KLHL29: variants seen among roughly 807,000 people sequenced by gnomAD.
KLHL29 encodes the protein kelch like family member 29.
Under a neutral mutation model 80.4 loss-of-function variants are expected in KLHL29, and 21 were observed. The ratio of observed to expected loss-of-function variants is 0.26; its 90% confidence interval spans 0.19 to 0.38. The LOEUF is 0.38. Among genes scored for constraint, KLHL29 ranks in the 10% least tolerant of loss-of-function variants. The probability of loss-of-function intolerance (pLI) is 1.00; values close to 1 mark genes in which losing one functional copy is unlikely to be tolerated. For synonymous variants in KLHL29, 511 were observed against 526.8 expected (o/e 0.97, Z 0.41); for missense variants, 867 against 1,223.9 (o/e 0.71, Z 4.35).
chr2:23,626,224 G>A (rs1669305192), intron 3 of KLHL29, among the ~76,000 whole-genome samples: 2 of 152,300 alleles, frequency 1.3e-5, no homozygotes, highest in Non-Finnish European at 2.9e-5. Flanking sequence ...GCTCCTATGG[G>A]AATCTCATGC....
Position 23,691,776 on chromosome 2 carries a change from G to A in KLHL29, c.1182G>A (p.Thr394=), listed in dbSNP as rs745807195. ...VLELLLEFVY[T]GSLVIDSANA... is the part of the protein sequence containing the mutation. Reference sequence around the variant, plus strand: ...AGTTGCTGCTGGAGTTTGTCTACACGGGCTCCCTGGTCATCGACTCGGCCA... The same window carrying A: ...AGTTGCTGCTGGAGTTTGTCTACACAGGCTCCCTGGTCATCGACTCGGCCA... The change falls in exon 7 of 14, where the codon ACG becomes ACA. Residue 394 remains threonine (T), a synonymous_variant. Coordinates refer to ENST00000486442, the MANE Select transcript of KLHL29 (RefSeq NM_052920.2). 3.1e-5 allele frequency: 48 copies of A among 1,551,602 alleles called. No homozygotes were observed. The highest frequency in any genetic ancestry group is 3.6e-5 in the Non-Finnish European group (41 of 1,147,024).
chr2:23,513,887 G>A (rs951775813), intron 2 of KLHL29, among the ~76,000 whole-genome samples: 15 of 152,174 alleles, frequency 9.9e-5, no homozygotes, highest in Non-Finnish European at 1.5e-5. Flanking sequence ...CAACACATAG[G>A]CCTTATTTTT....
Position 23,700,598 on chromosome 2 carries a change from G to C in KLHL29, c.2106-2588G>C, listed in dbSNP as rs1473862862. 6.6e-6 allele frequency among the ~76,000 whole-genome samples: 1 copy of C among 152,166 alleles called. No homozygotes were observed. The highest frequency in any genetic ancestry group is 1.5e-5 in the Non-Finnish European group (1 of 68,022). On this transcript the variant is annotated intron_variant, in intron 11 of 13. Transcript: ENST00000486442. This position sits in a 1 kb window ranked among gnomAD's most constrained non-coding sequence, Gnocchi z 4.6. ...TACAAACCATGACGTTTTCCCTAGA[G>C]AGCTGGCTGTTAAACATTCATCAGC...
intron 2 of KLHL29, among the ~76,000 whole-genome samples, chr2:23,478,826 C>G (rs1664706966): frequency 6.6e-6 from 1 of 152,086 alleles, no homozygotes; most frequent in Non-Finnish European, 1.5e-5. Context: ...TAGATGCCGC[C>G]TGTGTCTTCG....
intron 1 of KLHL29, among the ~76,000 whole-genome samples, chr2:23,407,941 G>A (rs573253508): frequency 6.6e-6 from 1 of 151,812 alleles, no homozygotes. Flanking sequence ...TTGAGACGGA[G>A]TTTCTTGTCA....
intron 3 of KLHL29, among the ~76,000 whole-genome samples, chr2:23,566,799 T>C (rs1667599782): frequency 6.6e-6 from 1 of 152,184 alleles, no homozygotes; most frequent in Admixed American, 6.5e-5. Flanking sequence ...TTAATATGCA[T>C]AGAAAAGCTT....
At chr2:23,403,724 A>T (rs111285735) in intron 1 of KLHL29, among the ~76,000 whole-genome samples, 2,810 of 140,098 alleles carry the variant, frequency 0.02, 39 homozygotes, top group African/African-American at 0.052. Context: ...AGAGAGAGAG[A>T]GAGTGTGTGT....
chr2:23,648,627 A>C (rs1670004230), intron 5 of KLHL29, among the ~76,000 whole-genome samples: 1 of 152,124 alleles, frequency 6.6e-6, no homozygotes, highest in South Asian at 2.1e-4. Context: ...ACCTCCCCTC[A>C]GGGGCTTTCA....
intron 6 of KLHL29, among the ~76,000 whole-genome samples, chr2:23,686,132 C>T (rs1671247861): frequency 6.8e-6 from 1 of 147,612 alleles, no homozygotes; most frequent in East Asian, 2.1e-4. Flanking sequence ...GGGGATGGGG[C>T]ATGAGTGGGG....
At chr2:23,432,450 G>C (rs545033070) in intron 1 of KLHL29, among the ~76,000 whole-genome samples, 1 of 152,354 alleles carries the variant, frequency 6.6e-6, no homozygotes, top group Non-Finnish European at 1.5e-5. Context: ...CCAGTCACAT[G>C]CTGTGTGCCA....
chr2:23,679,602 A>G (rs961728145), intron 5 of KLHL29, among the ~76,000 whole-genome samples: 2 of 152,252 alleles, frequency 1.3e-5, no homozygotes, highest in Admixed American at 6.5e-5. Flanking sequence ...TTTGCCATCC[A>G]TCACACCAGA....
chr2:23,435,850 G>T (rs1459550595), intron 1 of KLHL29, among the ~76,000 whole-genome samples: 8 of 151,802 alleles, frequency 5.3e-5, no homozygotes, highest in Admixed American at 2.6e-4. Flanking sequence ...ATGGCCCCAG[G>T]CTGTTGTGCT....
chr2:23,505,821 G>A (rs1331845524), intron 2 of KLHL29, among the ~76,000 whole-genome samples: 4 of 152,220 alleles, frequency 2.6e-5, no homozygotes, highest in Non-Finnish European at 1.5e-5. Flanking sequence ...TGTGCTCTGG[G>A]TTTACATCAG....
intron 2 of KLHL29, among the ~76,000 whole-genome samples, chr2:23,526,551 G>A (rs1200658145): frequency 6.6e-6 from 1 of 152,220 alleles, no homozygotes; most frequent in Non-Finnish European, 1.5e-5. Context: ...GAAGGTTGGA[G>A]GGGAGAGAGA....
intron 2 of KLHL29, among the ~76,000 whole-genome samples, chr2:23,477,633 C>T (rs1164946238): frequency 2.0e-5 from 3 of 152,220 alleles, no homozygotes; most frequent in Non-Finnish European, 2.9e-5. Context: ...CACTGGTGGG[C>T]GACAGCTGTC....
chr2:23,451,608 T>C (rs1373007153), intron 1 of KLHL29, among the ~76,000 whole-genome samples: 1 of 152,162 alleles, frequency 6.6e-6, no homozygotes, highest in Non-Finnish European at 1.5e-5. Context: ...ATAGAAAGTT[T>C]TTCTCCCCAG....
chr2:23,698,303 T>G (rs1281531010), intron 11 of KLHL29, among the ~76,000 whole-genome samples: 1 of 152,192 alleles, frequency 6.6e-6, no homozygotes, highest in Admixed American at 6.5e-5. Context: ...AGGGGCAGGA[T>G]GCAGGCTTGA....
chr2:23,611,446 T>G lies in KLHL29; in HGVS notation c.286-27693T>G, dbSNP rs189878015. 1.8e-3 allele frequency among the ~76,000 whole-genome samples: 267 copies of G among 152,280 alleles called. 2 individuals carry two copies. The highest frequency in any genetic ancestry group is 5.0e-3 in the Admixed American group (77 of 15,292). ...ACACTGGGCCCTCTGAGGAGCTGCC[T>G]CTCTGCTTCAAATCCTCTGGGTTCT... On this transcript the variant is annotated intron_variant, in intron 3 of 13. Coordinates refer to ENST00000486442, the MANE Select transcript of KLHL29 (RefSeq NM_052920.2).
intron 3 of KLHL29, among the ~76,000 whole-genome samples, chr2:23,607,727 G>A (rs1211020152): frequency 6.6e-6 from 1 of 152,150 alleles, no homozygotes; most frequent in East Asian, 1.9e-4. Flanking sequence ...TGTGAACTGT[G>A]CATGTGAGGG....
Sources: allele counts gnomAD v4.1 joint callset (sites outside exome capture counted in the v4.1 genomes callset), GRCh38; gene constraint gnomAD v4.1.1; non-coding constraint Gnocchi (gnomAD v3.1); transcripts MANE v1.5; gene names NCBI Gene and HGNC (gene_info 2026-07-23, HGNC 2026-07-21).